CPNE8: variants seen among roughly 807,000 people sequenced by gnomAD.
CPNE8 encodes the protein copine 8.
CPNE8 carries 45 observed loss-of-function variants against 81.5 expected under a neutral mutation model. That is an observed-to-expected ratio of 0.55 (90% CI 0.44 to 0.71). The LOEUF (loss-of-function observed/expected upper bound fraction) is 0.71, where lower values mean the gene tolerates loss of function less well. Ranked by LOEUF, CPNE8 falls within the 30% of genes least tolerant of loss-of-function variation. The probability of loss-of-function intolerance (pLI) is 0.00; values close to 1 mark genes in which losing one functional copy is unlikely to be tolerated. For missense variants in CPNE8, 594 were observed against 672.1 expected (o/e 0.88, Z 1.28); for synonymous variants, 252 against 226.3 (o/e 1.11, Z -1.02).
At chr12:38,727,381 A>G (rs906934776) in intron 11 of CPNE8, among the ~76,000 whole-genome samples, 3 of 152,214 alleles carry the variant, frequency 2.0e-5, no homozygotes, top group Non-Finnish European at 2.9e-5. Context: ...CAGGTAATGA[A>G]TATGGTAATT....
intron 6 of CPNE8, among the ~76,000 whole-genome samples, chr12:38,796,161 C>T (rs1942466542): frequency 6.6e-6 from 1 of 152,064 alleles, no homozygotes. Flanking sequence ...GCAGTGCATG[C>T]CTGTAATTCC....
At chr12:38,772,525 A>G (rs1478666195) in intron 7 of CPNE8, among the ~76,000 whole-genome samples, 1 of 152,244 alleles carries the variant, frequency 6.6e-6, no homozygotes, top group Non-Finnish European at 1.5e-5. Flanking sequence ...GGTGCTCAAC[A>G]TCACCAATCA....
chr12:38,698,402 AT>A, intron 14 of CPNE8, among the ~76,000 whole-genome samples: 1 of 152,122 alleles, frequency 6.6e-6, no homozygotes, highest in Middle Eastern at 3.4e-3. Flanking sequence ...AAAAGTTTTG[AT>A]TTTGAAGTTC....
At chr12:38,888,377 C>T (rs1944265237) in intron 1 of CPNE8, among the ~76,000 whole-genome samples, 1 of 152,128 alleles carries the variant, frequency 6.6e-6, no homozygotes, top group African/African-American at 2.4e-5. Context: ...ACAATGAAAA[C>T]AATAACATGC....
At chr12:38,677,666 C>G (rs1438480376) in intron 16 of CPNE8, 112 bp from the exon 17 acceptor site, 1 of 675,850 alleles carries the variant, frequency 1.5e-6, no homozygotes, top group Non-Finnish European at 2.6e-6. Context: ...AATATTTGAA[C>G]ATGTTAGAGG....
intron 6 of CPNE8, among the ~76,000 whole-genome samples, chr12:38,793,158 C>T (rs186018654): frequency 6.6e-6 from 1 of 150,836 alleles, no homozygotes; most frequent in East Asian, 1.9e-4. Context: ...CCTCTAAGAT[C>T]AAGAGGAAGG....
intron 10 of CPNE8, among the ~76,000 whole-genome samples, chr12:38,753,928 G>A (rs1468721910): frequency 2.6e-5 from 4 of 152,112 alleles, no homozygotes; most frequent in Non-Finnish European, 5.9e-5. Flanking sequence ...GCATCCACTG[G>A]GGGTCTTGGA....
chr12:38,674,157 G>T (rs943924339), intron 18 of CPNE8, among the ~76,000 whole-genome samples: 2 of 152,070 alleles, frequency 1.3e-5, no homozygotes, highest in Admixed American at 6.6e-5. Flanking sequence ...AAATAGCTGT[G>T]GCTATTGGAT....
At chr12:38,724,825 A>G in intron 12 of CPNE8, 21 bp downstream of exon 12, 1 of 1,373,292 alleles carries the variant, frequency 7.3e-7, no homozygotes. Context: ...TCTTTAATAA[A>G]TAACATAAAA....
chr12:38,777,712 C>T (rs1941964529), intron 6 of CPNE8, among the ~76,000 whole-genome samples: 1 of 152,150 alleles, frequency 6.6e-6, no homozygotes, highest in African/African-American at 2.4e-5. Context: ...ACATGCTGTA[C>T]ACATTTGTAG....
intron 3 of CPNE8, among the ~76,000 whole-genome samples, chr12:38,850,149 G>A (rs994653139): frequency 6.6e-6 from 1 of 152,130 alleles, no homozygotes; most frequent in African/African-American, 2.4e-5. Context: ...AGGTCAGTAA[G>A]TTCAAGTATA....
chr12:38,737,259 C>CT (rs925111036), intron 10 of CPNE8, among the ~76,000 whole-genome samples: 28 of 151,770 alleles, frequency 1.8e-4, no homozygotes, highest in African/African-American at 6.5e-4. Context: ...ATTCTTGTAT[C>CT]TTTTTTTTAT....
chr12:38,906,388 A>G, upstream of CPNE8: 1 of 985,436 alleles, frequency 1.0e-6, no homozygotes, highest in Non-Finnish European at 1.2e-6. Context: ...TAAGGAAGCA[A>G]TCTGGATTCT....
At chr12:38,892,411 T>C (rs1157678427) in intron 1 of CPNE8, among the ~76,000 whole-genome samples, 1 of 152,164 alleles carries the variant, frequency 6.6e-6, no homozygotes, top group Non-Finnish European at 1.5e-5. Context: ...TGAAGCTCAC[T>C]ACATGTGTGA....
rs181964399 is a variant in CPNE8 at position 38,874,068 on chromosome 12, G to T, written c.139+403C>A. Among the ~76,000 whole-genome samples the T allele has an allele frequency of 9.4e-3, 1,417 of 150,286 alleles. 20 individuals carry two copies. The highest frequency in any genetic ancestry group is 0.039 in the South Asian group (186 of 4,730). On this transcript the variant is annotated intron_variant, in intron 2 of 19. Transcript: ENST00000331366. ...TCCTGCTTCGGCCTCCCAAAGTGCT[G>T]GGATTATAGGCATGAACCACCTTGC...
chr12:38,870,809 TAAATAA>T (rs969106560), intron 3 of CPNE8, among the ~76,000 whole-genome samples: 9 of 149,990 alleles, frequency 6.0e-5, no homozygotes, highest in Admixed American at 6.6e-5. Flanking sequence ...AATAAATAAA[TAAATAA>T]AAATAAAAAT....
At chr12:38,833,560 G>A (rs1383723264) in intron 5 of CPNE8, among the ~76,000 whole-genome samples, 1 of 146,426 alleles carries the variant, frequency 6.8e-6, no homozygotes, top group Non-Finnish European at 1.5e-5. Context: ...TTCACTGCAA[G>A]CTCCACTTCC....
intron 5 of CPNE8, among the ~76,000 whole-genome samples, chr12:38,832,468 GA>G (rs1943303475): frequency 6.6e-6 from 1 of 152,140 alleles, no homozygotes; most frequent in African/African-American, 2.4e-5. Context: ...TGCTGAGAAG[GA>G]AAACAGTACT....
At chr12:38,782,089 G>T (rs753433599) in intron 6 of CPNE8, among the ~76,000 whole-genome samples, 12 of 152,088 alleles carry the variant, frequency 7.9e-5, no homozygotes, top group Non-Finnish European at 1.8e-4. Flanking sequence ...TGTCTTTCTA[G>T]TTGTGACAAA....
Sources: gnomAD v4.1 joint callset for allele counts (sites outside exome capture counted in the v4.1 genomes callset) on GRCh38, gnomAD v4.1.1 for gene constraint, MANE v1.5 for transcripts, NCBI Gene and HGNC (gene_info 2026-07-23, HGNC 2026-07-21) for gene names.